The following LIMCH1 variants were observed in gnomAD, a reference collection of about 807,000 sequenced individuals.
LIMCH1 encodes the protein LIM and calponin homology domains-containing protein 1.
LIMCH1 carries 113 observed loss-of-function variants against 176.5 expected under a neutral mutation model. The ratio of observed to expected loss-of-function variants is 0.64; its 90% confidence interval spans 0.55 to 0.75. LIMCH1 has a LOEUF of 0.75. Among genes scored for constraint, LIMCH1 ranks in the 30% least tolerant of loss-of-function variants. The pLI, the probability that LIMCH1 is intolerant of heterozygous loss-of-function variation, is 0.00. For missense variants in LIMCH1, 1,674 were observed against 1,814.9 expected (o/e 0.92, Z 1.41); for synonymous variants, 619 against 645.9 (o/e 0.96, Z 0.63).
intron 1 of LIMCH1, among the ~76,000 whole-genome samples, chr4:41,542,294 A>T (rs892957555): frequency 1.3e-5 from 2 of 151,398 alleles, no homozygotes; most frequent in Non-Finnish European, 2.9e-5. Context: ...CTAGTGTTAC[A>T]TTTTGCTTTT....
rs999781758 is a variant in LIMCH1, at chr4:41,671,975, C to T, written c.3438+381C>T. On this transcript the variant is annotated intron_variant, in intron 22 of 31. Transcript: ENST00000503057. ...AAGAATAATTAAAAGTCATATATAACGCCATTGGGTAAATTATAAAGACAT... is the reference window on the plus strand; with the variant it reads ...AAGAATAATTAAAAGTCATATATAATGCCATTGGGTAAATTATAAAGACAT... Among the ~76,000 whole-genome samples, 7 of 149,870 alleles carry T rather than the reference C, an allele frequency of 4.7e-5. No homozygotes were observed. The East Asian group carries it at 7.8e-4, about 17-fold the overall frequency.
intron 1 of LIMCH1, among the ~76,000 whole-genome samples, chr4:41,453,844 A>G (rs901932344): frequency 1.3e-5 from 2 of 152,102 alleles, no homozygotes; most frequent in South Asian, 2.1e-4. Context: ...CTTAGGATGA[A>G]TCTCCAGCCT....
At chr4:41,665,756 A>G (rs7671597) in intron 20 of LIMCH1, among the ~76,000 whole-genome samples, 71,554 of 152,044 alleles carry the variant, frequency 0.47, 17,798 homozygotes, top group African/African-American at 0.57. Context: ...TTTTGTTTTA[A>G]TAAGTTTGGT....
intron 2 of LIMCH1, among the ~76,000 whole-genome samples, chr4:41,515,536 A>G (rs1446430264): frequency 6.6e-6 from 1 of 152,212 alleles, no homozygotes; most frequent in African/African-American, 2.4e-5. Context: ...AATGCCGGCC[A>G]TTGATGAAGT....
intron 3 of LIMCH1, among the ~76,000 whole-genome samples, chr4:41,531,495 CACACACACACACACACACACAT>C (rs1185450368): frequency 1.4e-5 from 2 of 139,474 alleles, no homozygotes; most frequent in Non-Finnish European, 1.5e-5. Context: ...CACACACACA[CACACACACACACACACACACAT>C]ACACACCTTA....
chr4:41,503,565 C>T (rs530195124), intron 2 of LIMCH1, among the ~76,000 whole-genome samples: 131 of 152,226 alleles, frequency 8.6e-4, no homozygotes, highest in African/African-American at 2.2e-3. Flanking sequence ...TCTTTGAGGC[C>T]TTGGTTAGAC....
At chr4:41,544,078 C>T (rs1417302889) in intron 1 of LIMCH1, among the ~76,000 whole-genome samples, 3 of 151,750 alleles carry the variant, frequency 2.0e-5, no homozygotes, top group African/African-American at 7.3e-5. Flanking sequence ...ATTTCAGATA[C>T]CCCCCCACCC....
intron 21 of LIMCH1, among the ~76,000 whole-genome samples, chr4:41,666,882 A>AT (rs1215012213): frequency 6.6e-6 from 1 of 152,188 alleles, no homozygotes; most frequent in East Asian, 1.9e-4. Flanking sequence ...TGCCAAGGCC[A>AT]TTTGGTCAGC....
chr4:41,689,311 C>T (rs1723469145), intron 29 of LIMCH1, among the ~76,000 whole-genome samples: 1 of 152,194 alleles, frequency 6.6e-6, no homozygotes, highest in Admixed American at 6.5e-5. Flanking sequence ...TTCAGTACCA[C>T]AGTGGAGACC....
intron 1 of LIMCH1, among the ~76,000 whole-genome samples, chr4:41,461,467 A>G (rs2065363153): frequency 6.6e-6 from 1 of 152,216 alleles, no homozygotes; most frequent in Non-Finnish European, 1.5e-5. Context: ...TAAAAAACAT[A>G]AAATTATAGA....
chr4:41,472,077 G>A (rs763451570), intron 1 of LIMCH1, among the ~76,000 whole-genome samples: 5 of 152,236 alleles, frequency 3.3e-5, no homozygotes, highest in Non-Finnish European at 5.9e-5. Flanking sequence ...TCTGTAGGTA[G>A]TGTTGTGTGG....
chr4:41,658,074 T>C (rs57890722), intron 18 of LIMCH1, among the ~76,000 whole-genome samples: 18,390 of 152,160 alleles, frequency 0.12, 1,346 homozygotes, highest in Middle Eastern at 0.26. Flanking sequence ...GGTGGGACAT[T>C]GAGGTCACCA....
rs190224884 is a variant in LIMCH1 at position 41,532,554 on chromosome 4, G to A, written c.237+8076G>A. Among the ~76,000 whole-genome samples the A allele has an allele frequency of 3.3e-3, 498 of 152,288 alleles. 1 individual carries two copies. Among genetic ancestry groups the A allele is most frequent in the African/African-American group, 0.012 (483 of 41,550 alleles). ...CTACACCAAAAGGCTTGACCACATC[G>A]TGAATACAGTGATAAAAGTGTGTCA... On this transcript the variant is annotated intron_variant, in intron 3 of 26. Coordinates refer to the LIMCH1 transcript ENST00000313860.
At chr4:41,659,009 T>C (rs2152971066) in intron 18 of LIMCH1, among the ~76,000 whole-genome samples, 1 of 152,328 alleles carries the variant, frequency 6.6e-6, no homozygotes, top group African/African-American at 2.4e-5. Flanking sequence ...CCATCATGTA[T>C]TAATATTTCT....
At chr4:41,601,439 G>A (rs566407929) in intron 2 of LIMCH1, among the ~76,000 whole-genome samples, 1 of 152,268 alleles carries the variant, frequency 6.6e-6, no homozygotes, top group African/African-American at 2.4e-5. Flanking sequence ...AACAGGCTGT[G>A]GGAAGATCTG....
chr4:41,429,922 G>C (rs1191957696), intron 1 of LIMCH1, among the ~76,000 whole-genome samples: 1 of 152,152 alleles, frequency 6.6e-6, no homozygotes, highest in African/African-American at 2.4e-5. Context: ...ATTTGGCTTA[G>C]AAGTAATATT....
chr4:41,509,069 T>A (rs2074518028), intron 2 of LIMCH1, among the ~76,000 whole-genome samples: 1 of 152,072 alleles, frequency 6.6e-6, no homozygotes, highest in African/African-American at 2.4e-5. Flanking sequence ...ATACAACCTG[T>A]CATTCAAACT....
At chr4:41,466,406 C>G (rs971138350) in intron 1 of LIMCH1, among the ~76,000 whole-genome samples, 3 of 152,236 alleles carry the variant, frequency 2.0e-5, no homozygotes, top group African/African-American at 7.2e-5. Flanking sequence ...GACTCTCTGG[C>G]TGGGGCCATA....
intron 1 of LIMCH1, among the ~76,000 whole-genome samples, chr4:41,413,431 G>A (rs992677932): frequency 5.9e-5 from 9 of 151,804 alleles, no homozygotes; most frequent in East Asian, 3.9e-4. Flanking sequence ...CTGGGCTCAA[G>A]CGATCCTCCC....
Sources: gnomAD v4.1 joint callset for allele counts (sites outside exome capture counted in the v4.1 genomes callset) on GRCh38, gnomAD v4.1.1 for gene constraint, MANE v1.5 for transcripts, NCBI Gene and HGNC (gene_info 2026-07-23, HGNC 2026-07-21) for gene names.